The following GABRG1 variants were observed in gnomAD, a reference collection of about 807,000 sequenced individuals.
GABRG1 encodes the protein gamma-aminobutyric acid receptor subunit gamma-1.
In GABRG1, 49 loss-of-function variants were observed where a neutral mutation model predicts 49.8. The ratio of observed to expected loss-of-function variants is 0.98; its 90% CI spans 0.78 to 1.25. The LOEUF (loss-of-function observed/expected upper bound fraction) is 1.25, where lower values mean the gene tolerates loss of function less well. GABRG1 is among the 50% of genes most tolerant of loss of function. The probability of loss-of-function intolerance (pLI) is 0.00; values close to 1 mark genes in which losing one functional copy is unlikely to be tolerated. For missense variants in GABRG1, 552 were observed against 552.3 expected, an observed-to-expected ratio of 1.00 and a Z score of 0.01; for synonymous variants, 232 against 185.1, an observed-to-expected ratio of 1.25 and a Z score of -2.06.
chr4:46,066,892 GTA>G (rs1432554503), intron 3 of GABRG1, among the ~76,000 whole-genome samples: 3 of 151,286 alleles, frequency 2.0e-5, no homozygotes, highest in South Asian at 2.1e-4. Flanking sequence ...ATATGTGTGT[GTA>G]TATATGTGTG....
chr4:46,065,648 G>A (rs78810741), intron 3 of GABRG1, 64 bp from the exon 4 acceptor site: 1 of 793,232 alleles, frequency 1.3e-6, no homozygotes. Context: ...TTTCTCGAAA[G>A]TTTGAATTTT....
chr4:46,052,954 G>A (rs1718286842), intron 7 of GABRG1, among the ~76,000 whole-genome samples: 1 of 151,742 alleles, frequency 6.6e-6, no homozygotes, highest in Non-Finnish European at 1.5e-5. Flanking sequence ...AGGTGAAACA[G>A]TTGTGATGAA....
chr4:46,098,047 T>C (rs1321269957), intron 1 of GABRG1, among the ~76,000 whole-genome samples: 1 of 151,754 alleles, frequency 6.6e-6, no homozygotes, highest in East Asian at 1.9e-4. Context: ...ACTCTCTTCC[T>C]TTATTTTATA....
At chr4:46,106,806 G>A (rs550747706) in intron 1 of GABRG1, among the ~76,000 whole-genome samples, 21 of 149,912 alleles carry the variant, frequency 1.4e-4, no homozygotes, top group African/African-American at 4.6e-4. Context: ...TTTTTGCTGG[G>A]TCATTAAGCT....
intron 1 of GABRG1, among the ~76,000 whole-genome samples, chr4:46,103,527 C>G (rs905921424): frequency 6.6e-6 from 1 of 151,218 alleles, no homozygotes; most frequent in Admixed American, 6.6e-5. Context: ...TATCATAGCC[C>G]TATTTTTTAA....
chr4:46,060,305 A>G (rs1393595229), intron 5 of GABRG1, among the ~76,000 whole-genome samples: 3 of 151,628 alleles, frequency 2.0e-5, no homozygotes, highest in Admixed American at 2.0e-4. Flanking sequence ...TCTTCACGTG[A>G]TCTCAACTGG....
At chr4:46,097,676 C>G (rs184618152) in intron 1 of GABRG1, among the ~76,000 whole-genome samples, 2 of 151,530 alleles carry the variant, frequency 1.3e-5, no homozygotes, top group Non-Finnish European at 3.0e-5. Flanking sequence ...AACATAAAAT[C>G]TGTGCACCCA....
chr4:46,046,887 G>A (rs558873799), intron 8 of GABRG1, among the ~76,000 whole-genome samples: 1 of 152,198 alleles, frequency 6.6e-6, no homozygotes, highest in East Asian at 1.9e-4. Context: ...TTAAAAACGT[G>A]TATAACTTGC....
intron 8 of GABRG1, among the ~76,000 whole-genome samples, chr4:46,046,237 G>T (rs1442604865): frequency 6.6e-6 from 1 of 151,954 alleles, no homozygotes; most frequent in African/African-American, 2.4e-5. Flanking sequence ...GTCCCTTTCT[G>T]CTGTGATAGT....
chr4:46,109,577 T>G (rs1488508044), intron 1 of GABRG1, among the ~76,000 whole-genome samples: 2 of 151,074 alleles, frequency 1.3e-5, no homozygotes, highest in East Asian at 1.9e-4. Context: ...TTTGTTCTTA[T>G]TTTTCTAGTT....
At chr4:46,062,362 A>G (rs893246486) in intron 5 of GABRG1, among the ~76,000 whole-genome samples, 37 of 152,186 alleles carry the variant, frequency 2.4e-4, no homozygotes, top group African/African-American at 7.7e-4. Context: ...TTATAGCAGC[A>G]TGATCTATAG....
At position 46,084,006 on chromosome 4, in the gene GABRG1, G is replaced by A. The variant is rs773228278; in HGVS notation, c.301C>T (p.Pro101Ser). Residue 101 changes from proline to serine, a missense_variant, in exon 3 of 9, where the codon CCA becomes TCA. Coordinates refer to ENST00000295452, the MANE Select transcript of GABRG1 (RefSeq NM_173536.4). ...ETDVYVNSIG[P>S]VDPINMEYTI... is the part of the protein sequence containing the mutation. ...CTTACCATATTAATTGGATCAACTG[G>A]TCCAATGCTGTTTACATAAACATCA... is the stretch of plus-strand genomic sequence containing the variant. 2.5e-6 allele frequency: 4 copies of A among 1,573,838 alleles called. No individual in the cohort carries two copies. Among genetic ancestry groups the A allele is most frequent in the Non-Finnish European group, 3.5e-6 (4 of 1,150,690 alleles).
intron 5 of GABRG1, among the ~76,000 whole-genome samples, chr4:46,062,386 T>C (rs1718730471): frequency 6.6e-6 from 1 of 152,140 alleles, no homozygotes; most frequent in Non-Finnish European, 1.5e-5. Context: ...TTTGGGTATA[T>C]ACCCAGTAAT....
rs1717700589 is a variant in GABRG1, at chr4:46,040,118, A to C, written c.*870T>G. 6.6e-6 allele frequency: 1 copy of C among 151,938 alleles called. No individual in the cohort carries two copies. Among genetic ancestry groups the C allele is most frequent in the Non-Finnish European group, 1.5e-5 (1 of 67,898 alleles). The allele number at this position is 151,938 out of a possible 1,614,324, so 9.4% of individuals were successfully genotyped here. ...ATATTTTTATTTTAGGGACTGCAACACTTTCATAAAACATAAAGAAAAAAA... is the reference window on the plus strand; with the variant it reads ...ATATTTTTATTTTAGGGACTGCAACCCTTTCATAAAACATAAAGAAAAAAA... On this transcript the variant is annotated 3_prime_UTR_variant, in exon 9 of 9. Transcript: ENST00000295452.
In GABRG1 at chr4:46,110,944, A is replaced by G. The variant is rs563246987; in HGVS notation, c.104+12866T>C. 5.3e-5 allele frequency among the ~76,000 whole-genome samples: 8 copies of G among 151,402 alleles called. No homozygotes were observed. The East Asian group carries it at 1.4e-3, about 26-fold the overall frequency. ...CCACCCTTGATAACTGAAACAGGAC[A>G]AGGATGGCCACTCCTACCACTCCTA... is the stretch of plus-strand genomic sequence containing the variant. On this transcript the variant is annotated intron_variant, in intron 1 of 8. Transcript: ENST00000295452.
chr4:46,111,008 G>T (rs1022908721), intron 1 of GABRG1, among the ~76,000 whole-genome samples: 2 of 150,970 alleles, frequency 1.3e-5, no homozygotes, highest in African/African-American at 4.8e-5. Flanking sequence ...GAGCAATATG[G>T]CAAGAGAAAG....
chr4:46,046,153 A>C (rs1560347235), intron 8 of GABRG1, among the ~76,000 whole-genome samples: 1 of 152,096 alleles, frequency 6.6e-6, no homozygotes, highest in East Asian at 1.9e-4. Flanking sequence ...TTTGTTTATT[A>C]GTTTCAACCA....
chr4:46,120,914 A>G (rs940837952), intron 1 of GABRG1, among the ~76,000 whole-genome samples: 1 of 151,758 alleles, frequency 6.6e-6, no homozygotes, highest in Admixed American at 6.6e-5. Flanking sequence ...TTCTTTTTAA[A>G]AACCTGATTA....
intron 1 of GABRG1, among the ~76,000 whole-genome samples, chr4:46,113,103 C>G (rs1016798577): frequency 1.3e-5 from 2 of 151,132 alleles, no homozygotes; most frequent in Admixed American, 1.3e-4. Flanking sequence ...TGTCTGATCA[C>G]TATTTGCTCT....
Sources: allele counts gnomAD v4.1 joint callset (sites outside exome capture counted in the v4.1 genomes callset), GRCh38; gene constraint gnomAD v4.1.1; transcripts MANE v1.5; gene names NCBI Gene and HGNC (gene_info 2026-07-23, HGNC 2026-07-21).